The following MRGPRX3 variants were observed in gnomAD, a reference collection of about 807,000 sequenced individuals.
MRGPRX3 encodes the protein MAS related GPR family member X3.
MRGPRX3 carries 14 observed loss-of-function variants against 16.5 expected under a neutral mutation model. The observed-to-expected ratio is 0.85, with a 90% CI of 0.56 to 1.33. MRGPRX3 has a LOEUF of 1.33. MRGPRX3 is among the 40% of genes most tolerant of loss of function. The pLI, the probability that MRGPRX3 is intolerant of heterozygous loss-of-function variation, is 0.00. For synonymous variants in MRGPRX3, 199 were observed against 180.1 expected (o/e 1.10, Z -0.84); for missense variants, 449 against 413.0 (o/e 1.09, Z -0.76).
chr11:18,123,979 GCTCT>G (rs1471866235), intron 1 of MRGPRX3, among the ~76,000 whole-genome samples: 3 of 150,266 alleles, frequency 2.0e-5, no homozygotes, highest in Non-Finnish European at 4.4e-5. Flanking sequence ...TCATTATTTG[GCTCT>G]CTGTTTGTCT....
upstream of MRGPRX3, among the ~76,000 whole-genome samples, chr11:18,128,894 G>A (rs1203771843): frequency 6.6e-6 from 1 of 152,158 alleles, no homozygotes; most frequent in Non-Finnish European, 1.5e-5. Flanking sequence ...CTGTAGACTG[G>A]AGCTGTTCCT....
At position 18,132,739 on chromosome 11, in the gene MRGPRX3, G is replaced by T. The variant is rs1476147770; in HGVS notation, c.-26G>T. ...CACTGGACAAAGAAGGAACGATAAG[G>T]GTAAGTACCAAGAACTCTCTTCTTC... On this transcript the variant is annotated splice_region_variant and 5_prime_UTR_variant, in exon 1 of 2. Coordinates refer to ENST00000621697, the MANE Select transcript of MRGPRX3 (RefSeq NM_001370464.1). 6.6e-6 allele frequency: 1 copy of T among 152,132 alleles called. No homozygotes were observed. Among genetic ancestry groups the T allele is most frequent in the African/African-American group, 2.4e-5 (1 of 41,410 alleles). 9.4% of individuals were successfully genotyped at this position (152,132 alleles called of 1,614,324 possible).
intron 1 of MRGPRX3, among the ~76,000 whole-genome samples, chr11:18,127,179 C>T (rs536451881): frequency 6.6e-5 from 10 of 152,210 alleles, no homozygotes; most frequent in Non-Finnish European, 1.0e-4. Context: ...GGTAACCTGA[C>T]CTTTCTCTCT....
At position 18,137,740 on chromosome 11, in the gene MRGPRX3, A is replaced by C. The variant is rs771546654; in HGVS notation, c.538A>C (p.Thr180Pro). The change falls in exon 2 of 2, where the codon ACA becomes CCA. Residue 180 changes from threonine to proline, a missense_variant. Physicochemically the swap from Thr to Pro is conservative, Grantham distance 38 (BLOSUM62 -1). Transcript: ENST00000621697. The part of the protein sequence containing the change: ...SVWCETSDFI[T>P]IAWLVFLCVV... ...TTGGTGTGAAACGTCAGATTTCATT[A>C]CAATCGCGTGGCTGGTTTTTTTATG... 1.2e-6 allele frequency: 2 copies of C among 1,613,944 alleles called. No homozygotes were observed. Among genetic ancestry groups the C allele is most frequent in the Admixed American group, 3.3e-5 (2 of 60,004 alleles).
Position 18,124,583 on chromosome 11 carries a change from A to G in MRGPRX3, c.-152+3419A>G, listed in dbSNP as rs527494890. Among the ~76,000 whole-genome samples, 221 of 152,142 alleles carry G rather than the reference A, an allele frequency of 1.5e-3. 1 individual carries two copies. Among genetic ancestry groups the G allele is most frequent in the African/African-American group, 5.1e-3 (210 of 41,530 alleles). On this transcript the variant is annotated intron_variant, in intron 1 of 2. Transcript: ENST00000396275. ...AGCTTTTTGATGTGCTGCTGGATTC[A>G]GTTTGCCAGTATTTTATTGAGGATT...
At chr11:18,130,486 A>G (rs1848949905), upstream of MRGPRX3, among the ~76,000 whole-genome samples, 1 of 152,158 alleles carries the variant, frequency 6.6e-6, no homozygotes, top group African/African-American at 2.4e-5. Context: ...GGACCTCTAC[A>G]AGGAAAACTA....
chr11:18,126,806 AC>A (rs1848901967), intron 1 of MRGPRX3, among the ~76,000 whole-genome samples: 2 of 152,276 alleles, frequency 1.3e-5, no homozygotes, highest in South Asian at 4.1e-4. Flanking sequence ...CCATGTCCCT[AC>A]AAAGGACATG....
At chr11:18,128,412 G>A (rs1848924709), upstream of MRGPRX3, among the ~76,000 whole-genome samples, 1 of 152,238 alleles carries the variant, frequency 6.6e-6, no homozygotes, top group African/African-American at 2.4e-5. Context: ...TCCTTGAGCT[G>A]CAGTGGGCTT....
chr11:18,132,263 C>T (rs1213693406), upstream of MRGPRX3, among the ~76,000 whole-genome samples: 1 of 152,120 alleles, frequency 6.6e-6, no homozygotes, highest in Non-Finnish European at 1.5e-5. Context: ...ATAAAGAAAA[C>T]ATCAAAAAAT....
chr11:18,121,344 C>G (rs2134077428), intron 1 of MRGPRX3, among the ~76,000 whole-genome samples: 1 of 151,608 alleles, frequency 6.6e-6, no homozygotes, highest in African/African-American at 2.4e-5. Context: ...CAGCCCCCCG[C>G]CTGGCCAGCC....
At chr11:18,135,603 G>T (rs1000076297) in intron 1 of MRGPRX3, among the ~76,000 whole-genome samples, 1 of 152,110 alleles carries the variant, frequency 6.6e-6, no homozygotes, top group African/African-American at 2.4e-5. Flanking sequence ...TAAATGGCAC[G>T]CACTCACCTC....
At position 18,125,706 on chromosome 11, in the gene MRGPRX3, G is replaced by A. The variant is rs532669469; in HGVS notation, c.-152+4542G>A. On this transcript the variant is annotated intron_variant, in intron 1 of 2. Transcript: ENST00000396275. ...AGTTCTGTAGATGTCTATTAGGTCC[G>A]CTTGGTTCAGAGCTGAGTTCAAGTC... 5.3e-5 allele frequency among the ~76,000 whole-genome samples: 8 copies of A among 152,208 alleles called. No homozygotes were observed. The East Asian group carries it at 5.8e-4, about 11-fold the overall frequency.
intron 1 of MRGPRX3, among the ~76,000 whole-genome samples, chr11:18,122,452 C>T (rs571388742): frequency 6.6e-6 from 1 of 152,250 alleles, no homozygotes; most frequent in South Asian, 2.1e-4. Context: ...GTTTTCTGTC[C>T]TTGTGATACT....
At chr11:18,131,595 C>T (rs1387257562), upstream of MRGPRX3, among the ~76,000 whole-genome samples, 1 of 152,080 alleles carries the variant, frequency 6.6e-6, no homozygotes, top group Non-Finnish European at 1.5e-5. Flanking sequence ...GGAATGTAAA[C>T]TTGCGCAACC....
At chr11:18,127,020 C>T (rs1276577584) in intron 1 of MRGPRX3, among the ~76,000 whole-genome samples, 2 of 152,306 alleles carry the variant, frequency 1.3e-5, no homozygotes, top group Non-Finnish European at 2.9e-5. Flanking sequence ...AATGAGATGG[C>T]TGGGCCAAAT....
intron 1 of MRGPRX3, among the ~76,000 whole-genome samples, chr11:18,121,864 G>C (rs940300251): frequency 3.9e-5 from 6 of 152,074 alleles, no homozygotes; most frequent in Non-Finnish European, 8.8e-5. Context: ...AAACACTGCG[G>C]AAGGCCTCAG....
intron 1 of MRGPRX3, among the ~76,000 whole-genome samples, chr11:18,125,284 G>T (rs928655954): frequency 6.6e-6 from 1 of 152,072 alleles, no homozygotes; most frequent in African/African-American, 2.4e-5. Context: ...TGATGTTAGG[G>T]TGTCAATTTT....
At chr11:18,124,224 T>C (rs980043190) in intron 1 of MRGPRX3, among the ~76,000 whole-genome samples, 1 of 152,182 alleles carries the variant, frequency 6.6e-6, no homozygotes, top group Non-Finnish European at 1.5e-5. Context: ...TCCAACACTA[T>C]GTTGAATAGG....
At chr11:18,122,909 G>A (rs1486972589) in intron 1 of MRGPRX3, among the ~76,000 whole-genome samples, 4 of 152,110 alleles carry the variant, frequency 2.6e-5, no homozygotes, top group Admixed American at 2.6e-4. Flanking sequence ...TCTCATTGTG[G>A]TTTTGATTTG....
Sources: allele counts gnomAD v4.1 joint callset (sites outside exome capture counted in the v4.1 genomes callset), GRCh38; gene constraint gnomAD v4.1.1; transcripts MANE v1.5; gene names NCBI Gene and HGNC (gene_info 2026-07-23, HGNC 2026-07-21).